DBF4: variants seen among roughly 807,000 people sequenced by gnomAD.
DBF4 encodes protein DBF4 homolog A.
DBF4 carries 25 observed loss-of-function variants against 76.6 expected under a neutral mutation model. That is an observed-to-expected ratio of 0.33 (90% CI 0.24 to 0.46). The LOEUF is 0.46. Ranked by LOEUF, DBF4 falls within the 20% of genes least tolerant of loss-of-function variation. The pLI, the probability that DBF4 is intolerant of heterozygous loss-of-function variation, is 1.00. For synonymous variants in DBF4, 213 were observed against 258.0 expected (o/e 0.83, Z 1.67); for missense variants, 638 against 760.8 (o/e 0.84, Z 1.90).
chr7:87,889,314 C>G (rs947546865), intron 6 of DBF4, among the ~76,000 whole-genome samples: 4 of 150,016 alleles, frequency 2.7e-5, no homozygotes, highest in African/African-American at 9.8e-5. Context: ...CCCTCCCCCT[C>G]TGTCATCCAG....
chr7:87,887,936 C>A, intron 5 of DBF4, 47 bp from the exon 6 acceptor site: 1 of 1,457,536 alleles, frequency 6.9e-7, no homozygotes, highest in South Asian at 1.3e-5. Flanking sequence ...CTGTTTAACT[C>A]CAAGAGTAAA....
intron 3 of DBF4, among the ~76,000 whole-genome samples, chr7:87,886,421 G>A (rs1839353450): frequency 1.3e-5 from 2 of 151,098 alleles, no homozygotes; most frequent in African/African-American, 4.9e-5. Flanking sequence ...TGTAGTCCCA[G>A]CTACTTGGGA....
intron 2 of DBF4, among the ~76,000 whole-genome samples, chr7:87,883,440 TAA>T (rs1348135270): frequency 1.3e-5 from 2 of 152,154 alleles, no homozygotes; most frequent in Non-Finnish European, 2.9e-5. Context: ...TTTATCACAA[TAA>T]AAGTGTATAG....
rs889159425 is a variant in DBF4 at position 87,876,604 on chromosome 7, C to T, written c.-129C>T. On this transcript the variant is annotated 5_prime_UTR_variant, in exon 1 of 12. Coordinates refer to ENST00000265728, the MANE Select transcript of DBF4 (RefSeq NM_006716.4). ...ACCTGCAGACGCGGTACCTCTACTG[C>T]GTAGAGGCCGTAGCTGGCGGAAGGA... is the stretch of plus-strand genomic sequence containing the variant. 3 of 1,019,368 alleles carry T rather than the reference C, an allele frequency of 2.9e-6. No homozygotes were observed. The highest frequency in any genetic ancestry group is 2.0e-5 in the Admixed American group (1 of 50,884). 63.1% of individuals were successfully genotyped at this position (1,019,368 alleles called of 1,614,324 possible).
rs1375751227 is a variant in DBF4 at position 87,909,347 on chromosome 7, T to C, written c.*1184T>C. The C allele has an allele frequency of 6.6e-6, 1 of 152,258 alleles. No individual in the cohort carries two copies. Among genetic ancestry groups the C allele is most frequent in the Admixed American group, 6.5e-5 (1 of 15,290 alleles). 9.4% of individuals were successfully genotyped at this position (152,258 alleles called of 1,614,324 possible). On this transcript the variant is annotated 3_prime_UTR_variant, in exon 12 of 12. Transcript: ENST00000265728. ...GGTTCTATTGCATAGTACATGAATC[T>C]ATTGTCACTAAAAATTAGGTTACTA...
intron 2 of DBF4, among the ~76,000 whole-genome samples, chr7:87,882,481 G>A (rs1839240209): frequency 1.3e-5 from 2 of 152,164 alleles, no homozygotes; most frequent in Admixed American, 1.3e-4. Flanking sequence ...ACTTCATCAG[G>A]ATTAAGAACT....
chr7:87,886,535 CAAAAAAAA>C (rs11411808), intron 3 of DBF4, among the ~76,000 whole-genome samples: 4 of 54,238 alleles, frequency 7.4e-5, no homozygotes, highest in Admixed American at 2.4e-4. Context: ...ACTTTGTCTC[CAAAAAAAA>C]AAAAAAAAAA....
chr7:87,893,184 C>T (rs958189140), intron 6 of DBF4, among the ~76,000 whole-genome samples: 6 of 150,494 alleles, frequency 4.0e-5, no homozygotes, highest in Non-Finnish European at 5.9e-5. Flanking sequence ...AGTTCTAGTA[C>T]AGTTTTGAGT....
chr7:87,888,069 C>A lies in DBF4; in HGVS notation c.597+10C>A. ...TTCAGTAAGAGATGGGGTATGTTTT[C>A]TTTTTCAATTTTTAAAGTGACCAAG... On this transcript the variant is annotated intron_variant, in intron 6 of 11. Transcript: ENST00000265728. The A allele has an allele frequency of 6.5e-7, 1 of 1,539,112 alleles. No homozygotes were observed. Among genetic ancestry groups the A allele is most frequent in the South Asian group, 1.2e-5 (1 of 80,104 alleles).
chr7:87,905,359 G>A (rs567891313), intron 11 of DBF4, among the ~76,000 whole-genome samples: 4 of 152,308 alleles, frequency 2.6e-5, no homozygotes, highest in Non-Finnish European at 5.9e-5. Flanking sequence ...GAACCATAAA[G>A]TTTACCATTT....
chr7:87,892,949 C>CT (rs1839530550), intron 6 of DBF4, among the ~76,000 whole-genome samples: 1 of 152,198 alleles, frequency 6.6e-6, no homozygotes, highest in East Asian at 1.9e-4. Context: ...AAAATATAGT[C>CT]TATCTTGGTA....
At chr7:87,902,910 A>G (rs1839823714) in intron 10 of DBF4, among the ~76,000 whole-genome samples, 1 of 152,180 alleles carries the variant, frequency 6.6e-6, no homozygotes, top group Admixed American at 6.5e-5. Flanking sequence ...AGGTTCTTTA[A>G]TGGTCATCTA....
chr7:87,892,493 C>T (rs1209825716), intron 6 of DBF4, among the ~76,000 whole-genome samples: 3 of 152,180 alleles, frequency 2.0e-5, no homozygotes, highest in East Asian at 1.9e-4. Flanking sequence ...TACTAAAGGA[C>T]ATCTTGGTTG....
At position 87,896,462 on chromosome 7, in the gene DBF4, AT is replaced by A. The variant is rs772608020; in HGVS notation, c.598-3del. 1,005 of 1,515,056 alleles carry A rather than the reference AT, an allele frequency of 6.6e-4. No individual in the cohort carries two copies. Among genetic ancestry groups the A allele is most frequent in the Admixed American group, 1.1e-3 (63 of 57,018 alleles). 93.9% of individuals were successfully genotyped at this position (1,515,056 alleles called of 1,614,324 possible). Reference sequence around the variant, plus strand: ...TTCAAAGCCAATCTTTTCACTATATATTTTTTTTTAGGGCAAAAGAGTTGGT... The same window carrying A: ...TTCAAAGCCAATCTTTTCACTATATATTTTTTTTAGGGCAAAAGAGTTGGT... On this transcript the variant is annotated splice_polypyrimidine_tract_variant and intron_variant, in intron 6 of 11. Transcript: ENST00000265728.
intron 1 of DBF4, 34 bp downstream of exon 1, chr7:87,876,812 A>G (rs759883228): frequency 1.2e-6 from 2 of 1,610,834 alleles, no homozygotes; most frequent in East Asian, 2.2e-5. Context: ...CAGTCCCTTT[A>G]ATCCTTTCCT....
intron 6 of DBF4, among the ~76,000 whole-genome samples, chr7:87,894,698 G>A (rs77845209): frequency 0.018 from 2,707 of 152,268 alleles, 17 homozygotes; most frequent in Middle Eastern, 0.031. Flanking sequence ...TGAATTGAGA[G>A]TTCTTTGTCT....
chr7:87,895,613 A>G (rs1032817499), intron 6 of DBF4, among the ~76,000 whole-genome samples: 1 of 152,130 alleles, frequency 6.6e-6, no homozygotes, highest in African/African-American at 2.4e-5. Context: ...CGTTGGGTCT[A>G]TCCTTAGCAT....
At chr7:87,901,008 A>G (rs1177981091) in intron 10 of DBF4, 130 bp downstream of exon 10, 1 of 734,038 alleles carries the variant, frequency 1.4e-6, no homozygotes, top group East Asian at 2.6e-5. Context: ...AGTATTGAAA[A>G]TGAATTTTTA....
At chr7:87,903,472 TG>T (rs1839839659) in intron 10 of DBF4, among the ~76,000 whole-genome samples, 1 of 152,230 alleles carries the variant, frequency 6.6e-6, no homozygotes, top group South Asian at 2.1e-4. Flanking sequence ...TTCCCAAATG[TG>T]TTCTTCAATT....
Sources: allele counts gnomAD v4.1 joint callset (sites outside exome capture counted in the v4.1 genomes callset), GRCh38; gene constraint gnomAD v4.1.1; transcripts MANE v1.5; gene names NCBI Gene and HGNC (gene_info 2026-07-23, HGNC 2026-07-21).